Variants in CDCA2 observed in about 807,000 individuals in gnomAD.
CDCA2 encodes the protein cell division cycle associated 2, also known as cell division cycle-associated protein 2.
Under a neutral mutation model 67.0 loss-of-function variants are expected in CDCA2, and 44 were observed. The ratio of observed to expected loss-of-function variants is 0.66; its 90% CI spans 0.52 to 0.84. CDCA2 has a LOEUF of 0.84. CDCA2 is among the 40% of genes least tolerant of loss of function. The probability of loss-of-function intolerance (pLI) is 0.00; values close to 1 mark genes in which losing one functional copy is unlikely to be tolerated. For synonymous variants in CDCA2, 447 were observed against 418.7 expected (o/e 1.07, Z -0.82); for missense variants, 1,253 against 1,203.2 (o/e 1.04, Z -0.61).
At chr8:25,480,271 A>T (rs1016770234) in intron 8 of CDCA2, 147 bp downstream of exon 8, 1 of 664,240 alleles carries the variant, frequency 1.5e-6, no homozygotes, top group Admixed American at 3.1e-5. Flanking sequence ...ATCTTTTCTT[A>T]TTAACAACAC....
chr8:25,500,492 A>T (rs1804430584), intron 13 of CDCA2, among the ~76,000 whole-genome samples: 1 of 152,086 alleles, frequency 6.6e-6, no homozygotes, highest in Non-Finnish European at 1.5e-5. Flanking sequence ...ACGTATATTC[A>T]ATTTTTGTCA....
In CDCA2 at chr8:25,481,200, G is replaced by C. The variant is rs371231006; in HGVS notation, c.1032+1076G>C. Among the ~76,000 whole-genome samples, 17 of 143,496 alleles carry C rather than the reference G, an allele frequency of 1.2e-4. No homozygotes were observed. In the East Asian group the frequency reaches 2.5e-3, roughly 21 times the overall value. 94.1% of individuals were successfully genotyped at this position (143,496 alleles called of 152,430 possible). Reference sequence around the variant, plus strand: ...TTTGGAAGGCCAACACTGAAGGATCGCTTGAGCCCAGGAGTTTGAGACCAG... The same window carrying C: ...TTTGGAAGGCCAACACTGAAGGATCCCTTGAGCCCAGGAGTTTGAGACCAG... On this transcript the variant is annotated intron_variant, in intron 8 of 14. Coordinates refer to ENST00000330560, the MANE Select transcript of CDCA2 (RefSeq NM_152562.4).
At chr8:25,501,747 G>C (rs1361144170) in intron 13 of CDCA2, among the ~76,000 whole-genome samples, 2 of 152,148 alleles carry the variant, frequency 1.3e-5, no homozygotes, top group Non-Finnish European at 2.9e-5. Context: ...CGTGTGTATG[G>C]TCACTCCTTT....
intron 7 of CDCA2, among the ~76,000 whole-genome samples, chr8:25,475,319 G>C (rs533587278): frequency 6.6e-6 from 1 of 152,268 alleles, no homozygotes; most frequent in South Asian, 2.1e-4. Context: ...AGGAGTTCTA[G>C]ACCAGCCTGA....
At chr8:25,459,173 A>C (rs1802562027), upstream of CDCA2, 1 of 151,450 alleles carries the variant, frequency 6.6e-6, no homozygotes, top group African/African-American at 2.4e-5. Flanking sequence ...CGTAGAGTAA[A>C]TTCGGTACCG....
intron 3 of CDCA2, among the ~76,000 whole-genome samples, chr8:25,460,759 A>C (rs1384210658): frequency 6.6e-6 from 1 of 152,242 alleles, no homozygotes; most frequent in Non-Finnish European, 1.5e-5. Context: ...GGCACCCAGC[A>C]TGATAATGTT....
chr8:25,461,657 C>T (rs999991491), intron 3 of CDCA2, among the ~76,000 whole-genome samples: 8 of 152,156 alleles, frequency 5.3e-5, no homozygotes, highest in Non-Finnish European at 1.5e-5. Context: ...CCTGAGACTG[C>T]ATGTACCTAG....
intron 10 of CDCA2, among the ~76,000 whole-genome samples, chr8:25,484,985 CAT>C (rs1167099072): frequency 6.6e-6 from 1 of 152,048 alleles, no homozygotes; most frequent in Non-Finnish European, 1.5e-5. Flanking sequence ...GATAATACAT[CAT>C]AACCATGTGA....
At chr8:25,462,387 G>A (rs1490538927) in intron 4 of CDCA2, among the ~76,000 whole-genome samples, 179 bp downstream of exon 4, 1 of 152,182 alleles carries the variant, frequency 6.6e-6, no homozygotes, top group Admixed American at 6.5e-5. Flanking sequence ...AGTACTCTGG[G>A]AGGCTGAGGC....
intron 6 of CDCA2, among the ~76,000 whole-genome samples, chr8:25,469,082 C>T (rs975623511): frequency 3.3e-5 from 5 of 152,216 alleles, no homozygotes; most frequent in South Asian, 2.1e-4. Context: ...TCTCTCGTGA[C>T]GGACTTTTCT....
intron 8 of CDCA2, among the ~76,000 whole-genome samples, chr8:25,482,334 G>A (rs959930926): frequency 4.6e-5 from 7 of 152,160 alleles, no homozygotes; most frequent in African/African-American, 1.4e-4. Flanking sequence ...CCATTTAACT[G>A]TTGGCTTTTT....
intron 13 of CDCA2, among the ~76,000 whole-genome samples, chr8:25,500,466 T>C (rs1405783386): frequency 6.6e-6 from 1 of 152,138 alleles, no homozygotes; most frequent in Admixed American, 6.5e-5. Flanking sequence ...TATCAAAATA[T>C]GGTGTTGTAT....
chr8:25,460,110 T>C (rs1802617951), intron 1 of CDCA2, 130 bp from the exon 2 acceptor site: 2 of 817,616 alleles, frequency 2.4e-6, no homozygotes, highest in African/African-American at 1.7e-5. Context: ...AAATAAAAAA[T>C]GAAACCTGTG....
At chr8:25,484,240 C>T (rs753167867) in intron 10 of CDCA2, 30 bp downstream of exon 10, 8 of 1,606,108 alleles carry the variant, frequency 5.0e-6, no homozygotes, top group Non-Finnish European at 6.8e-6. Flanking sequence ...AACAAGCTTG[C>T]CATATGTATT....
Position 25,487,339 on chromosome 8 carries a change from GTGTT to G in CDCA2, c.1533+9_1533+12del. The G allele has an allele frequency of 6.4e-7, 1 of 1,554,436 alleles. No homozygotes were observed. The highest frequency in any genetic ancestry group is 8.9e-7 in the Non-Finnish European group (1 of 1,129,548). ...AGGACTTCTAACAGAAGAAATGTAAGTGTTTGTGTTTGGCACAACGTATTTGTTT... is the reference window on the plus strand; with the variant it reads ...AGGACTTCTAACAGAAGAAATGTAAGTGTGTTTGGCACAACGTATTTGTTT... On this transcript the variant is annotated splice_donor_region_variant and intron_variant, in intron 12 of 14. Transcript: ENST00000330560.
intron 13 of CDCA2, among the ~76,000 whole-genome samples, chr8:25,496,407 A>G (rs1804225126): frequency 6.6e-6 from 1 of 152,204 alleles, no homozygotes; most frequent in Admixed American, 6.5e-5. Flanking sequence ...TGTTTATAGA[A>G]GAATTTCAGG....
intron 7 of CDCA2, among the ~76,000 whole-genome samples, chr8:25,471,304 G>A (rs538981291): frequency 1.1e-4 from 16 of 152,148 alleles, no homozygotes; most frequent in Non-Finnish European, 2.1e-4. Flanking sequence ...ACAGGGCAAG[G>A]TTGTGAGTTT....
chr8:25,492,353 G>A (rs529536159), intron 13 of CDCA2, among the ~76,000 whole-genome samples: 2 of 152,280 alleles, frequency 1.3e-5, no homozygotes, highest in East Asian at 1.9e-4. Flanking sequence ...ATACAAGAGC[G>A]CAATCAAAGG....
In CDCA2 at chr8:25,467,055, A is replaced by C. The variant is rs551666155; in HGVS notation, c.538+730A>C. 1.2e-3 allele frequency among the ~76,000 whole-genome samples: 172 copies of C among 141,736 alleles called. 2 individuals are homozygous for C. The highest frequency in any genetic ancestry group is 3.5e-3 in the Admixed American group (49 of 14,156). The allele number at this position is 141,736 out of a possible 152,430, so 93.0% of individuals were successfully genotyped here. The stretch of plus-strand genomic sequence containing the variant: ...AGAGTCCCTTTCAAAAAAAAAAAAA[A>C]AAAAAAAAAAACACACACACACACA... On this transcript the variant is annotated intron_variant, in intron 5 of 14. Coordinates refer to ENST00000330560, the MANE Select transcript of CDCA2 (RefSeq NM_152562.4).
Sources: allele counts gnomAD v4.1 joint callset (sites outside exome capture counted in the v4.1 genomes callset), GRCh38; gene constraint gnomAD v4.1.1; transcripts MANE v1.5; gene names NCBI Gene and HGNC (gene_info 2026-07-23, HGNC 2026-07-21).